Variants in AKAP8L observed in about 807,000 individuals in gnomAD.
AKAP8L encodes A-kinase anchor protein 8-like.
AKAP8L carries 34 observed loss-of-function variants against 77.5 expected under a neutral mutation model. The ratio of observed to expected loss-of-function variants is 0.44; its 90% CI spans 0.33 to 0.58. The LOEUF (loss-of-function observed/expected upper bound fraction) is 0.58, where lower values mean the gene tolerates loss of function less well. Among genes scored for constraint, AKAP8L ranks in the 20% least tolerant of loss-of-function variants. The pLI, the probability that AKAP8L is intolerant of heterozygous loss-of-function variation, is 0.02. For synonymous variants in AKAP8L, 342 were observed against 340.7 expected, an observed-to-expected ratio of 1.00 and a Z score of -0.04; for missense variants, 806 against 887.6, an observed-to-expected ratio of 0.91 and a Z score of 1.17.
At chr19:15,410,657 A>C in intron 1 of AKAP8L, 63 bp from the exon 2 acceptor site, 2 of 1,340,132 alleles carry the variant, frequency 1.5e-6, no homozygotes, top group African/African-American at 2.9e-5. Context: ...ACCTGAGACT[A>C]CCTAACCTTT....
At chr19:15,411,458 C>A (rs1318257026) in intron 1 of AKAP8L, among the ~76,000 whole-genome samples, 1 of 148,226 alleles carries the variant, frequency 6.7e-6, no homozygotes, top group Non-Finnish European at 1.5e-5. Flanking sequence ...GAAACCCTGT[C>A]TCTACAAAAA....
intron 1 of AKAP8L, chr19:15,417,533 A>C (rs1173038024): frequency 6.6e-6 from 1 of 152,216 alleles, no homozygotes; most frequent in African/African-American, 2.4e-5. Context: ...ATGTCTCCAG[A>C]CATTGCCAGA....
At position 15,397,081 on chromosome 19, in the gene AKAP8L, T is replaced by C; in HGVS notation, c.1536+69A>G. The C allele has an allele frequency of 1.3e-6, 2 of 1,594,136 alleles. No homozygotes were observed. Among genetic ancestry groups the C allele is most frequent in the Non-Finnish European group, 1.7e-6 (2 of 1,167,060 alleles). ...CTCACGGGCTGGCAGAGGTTCCAAC[T>C]GCACAACCTCCCCAGAGGCCTCACT... On this transcript the variant is annotated intron_variant, in intron 12 of 13. Coordinates refer to ENST00000397410, the MANE Select transcript of AKAP8L (RefSeq NM_014371.4). The surrounding 1 kb of genome is among the most constrained non-coding windows in gnomAD (Gnocchi z 4.7).
chr19:15,381,963 C>T (rs1060479), intron 12 of AKAP8L: 1 of 152,238 alleles, frequency 6.6e-6, no homozygotes, highest in Non-Finnish European at 1.5e-5. Context: ...ATTTGCAAGT[C>T]ATGCTTCTTC....
At chr19:15,392,809 T>C (rs1244584998) in intron 12 of AKAP8L, among the ~76,000 whole-genome samples, 1 of 141,834 alleles carries the variant, frequency 7.1e-6, no homozygotes, top group Non-Finnish European at 1.5e-5. Flanking sequence ...GACAGGAGAA[T>C]TGCCTGAACC....
At chr19:15,385,979 C>T (rs546067104) in intron 12 of AKAP8L, among the ~76,000 whole-genome samples, 214 of 149,302 alleles carry the variant, frequency 1.4e-3, no homozygotes, top group Non-Finnish European at 1.8e-3. Flanking sequence ...GGCGCGATCT[C>T]GGCTCACTGC....
At chr19:15,388,831 G>T (rs998558928) in intron 12 of AKAP8L, among the ~76,000 whole-genome samples, 1 of 151,836 alleles carries the variant, frequency 6.6e-6, no homozygotes, top group Non-Finnish European at 1.5e-5. Context: ...CAGGAGAATG[G>T]CATGAACCTG....
chr19:15,408,604 C>A (rs1329422681), intron 2 of AKAP8L, among the ~76,000 whole-genome samples: 1 of 146,582 alleles, frequency 6.8e-6, no homozygotes, highest in African/African-American at 2.5e-5. Context: ...AAGAAAGAGG[C>A]CGGGCGCGGT....
intron 1 of AKAP8L, among the ~76,000 whole-genome samples, chr19:15,417,412 A>T (rs1233351798): frequency 6.6e-6 from 1 of 152,164 alleles, no homozygotes; most frequent in South Asian, 2.1e-4. Context: ...GTTTGACGCC[A>T]GATACTTCTT....
chr19:15,409,292 AT>A (rs922757564), intron 2 of AKAP8L, among the ~76,000 whole-genome samples: 2 of 152,234 alleles, frequency 1.3e-5, no homozygotes, highest in African/African-American at 2.4e-5. Context: ...CAGAGGGAAA[AT>A]AATTCAAAAG....
rs765370525 is a variant in AKAP8L, at chr19:15,401,100, C to T, written c.816+50G>A. On this transcript the variant is annotated intron_variant, in intron 5 of 13. Transcript: ENST00000397410. The surrounding 1 kb of genome is among the most constrained non-coding windows in gnomAD (Gnocchi z 6.2). The stretch of plus-strand genomic sequence containing the variant: ...GTGCATGGCACCCGGCCCTTAGCTC[C>T]GCCCCAGTGGGAACTAAGCTTCCCA... 82 of 1,607,244 alleles carry T rather than the reference C, an allele frequency of 5.1e-5. No homozygotes were observed. The highest frequency in any genetic ancestry group is 6.4e-5 in the Non-Finnish European group (76 of 1,179,728).
At chr19:15,415,119 C>T (rs1968180601) in intron 1 of AKAP8L, among the ~76,000 whole-genome samples, 1 of 152,176 alleles carries the variant, frequency 6.6e-6, no homozygotes, top group Non-Finnish European at 1.5e-5. Context: ...ACCAATCTCT[C>T]GTCAACTTTT....
At chr19:15,387,539 G>A (rs1430261257) in intron 12 of AKAP8L, among the ~76,000 whole-genome samples, 7 of 151,746 alleles carry the variant, frequency 4.6e-5, no homozygotes, top group African/African-American at 2.4e-5. Context: ...AAGAAGGACC[G>A]GTAGATTTGA....
chr19:15,402,926 C>A (rs1967927252), intron 4 of AKAP8L, among the ~76,000 whole-genome samples: 1 of 152,142 alleles, frequency 6.6e-6, no homozygotes, highest in Non-Finnish European at 1.5e-5. Flanking sequence ...ACTTCTGTAT[C>A]CCCACCTGCA....
At position 15,397,011 on chromosome 19, in the gene AKAP8L, G is replaced by T; in HGVS notation, c.1536+139C>A. 1 of 1,214,178 alleles carries T rather than the reference G, an allele frequency of 8.2e-7. No homozygotes were observed. The allele number at this position is 1,214,178 out of a possible 1,614,324, so 75.2% of individuals were successfully genotyped here. ...TCTGTAGCTGTGCTGCCTGCACTGA[G>T]CTGGAAATGTCCATATCCACCTCCT... On this transcript the variant is annotated intron_variant, in intron 12 of 13. Transcript: ENST00000397410. The surrounding 1 kb of genome is among the most constrained non-coding windows in gnomAD (Gnocchi z 4.7).
rs760993305 is a variant in AKAP8L, at chr19:15,401,127, A to C, written c.816+23T>G. On this transcript the variant is annotated intron_variant, in intron 5 of 13. Coordinates refer to ENST00000397410, the MANE Select transcript of AKAP8L (RefSeq NM_014371.4). This position sits in a 1 kb window ranked among gnomAD's most constrained non-coding sequence, Gnocchi z 6.2. ...CCCCAGTGGGAACTAAGCTTCCCAG[A>C]GGGGAAGGCTGCCTCCACTCACTCG... 1.4e-5 allele frequency: 22 copies of C among 1,605,424 alleles called. No homozygotes were observed. The Admixed American group carries it at 1.8e-4, about 13-fold the overall frequency.
At chr19:15,402,888 G>C (rs1967926280) in intron 4 of AKAP8L, among the ~76,000 whole-genome samples, 1 of 152,210 alleles carries the variant, frequency 6.6e-6, no homozygotes, top group Admixed American at 6.5e-5. Flanking sequence ...AGTACTTGCT[G>C]CGTGCCTTCA....
intron 12 of AKAP8L, chr19:15,383,474 G>A (rs1254772887): frequency 6.6e-6 from 1 of 152,180 alleles, no homozygotes; most frequent in Non-Finnish European, 1.5e-5. Context: ...GATTGCAGGT[G>A]TGAGCCACTG....
At chr19:15,386,604 T>G (rs1286805181) in intron 12 of AKAP8L, among the ~76,000 whole-genome samples, 1 of 152,180 alleles carries the variant, frequency 6.6e-6, no homozygotes, top group Non-Finnish European at 1.5e-5. Flanking sequence ...TGCCCGCATC[T>G]ACCCAGATCA....
Sources: allele counts gnomAD v4.1 joint callset (sites outside exome capture counted in the v4.1 genomes callset), GRCh38; gene constraint gnomAD v4.1.1; non-coding constraint Gnocchi (gnomAD v3.1); transcripts MANE v1.5; gene names NCBI Gene and HGNC (gene_info 2026-07-23, HGNC 2026-07-21).